PMF1: variants seen among roughly 807,000 people sequenced by gnomAD.
PMF1 encodes the protein polyamine-modulated factor 1.
PMF1 carries 21 observed loss-of-function variants against 26.7 expected under a neutral mutation model. The observed-to-expected ratio is 0.79, with a 90% CI of 0.56 to 1.13. The LOEUF (loss-of-function observed/expected upper bound fraction) is 1.13. Among genes scored for constraint, PMF1 ranks in the 50% most tolerant of loss-of-function variants. The probability of loss-of-function intolerance (pLI) is 0.00; values close to 1 mark genes in which losing one functional copy is unlikely to be tolerated. For missense variants in PMF1, 266 were observed against 254.9 expected (o/e 1.04, Z -0.30); for synonymous variants, 105 against 101.0 (o/e 1.04, Z -0.24).
chr1:156,216,677 C>T (rs1657733477), intron 1 of PMF1, among the ~76,000 whole-genome samples: 1 of 151,758 alleles, frequency 6.6e-6, no homozygotes, highest in South Asian at 2.1e-4. Context: ...GGCTACCCTG[C>T]CCCCGTGCGC....
chr1:156,221,856 C>G (rs1255231406), intron 1 of PMF1, among the ~76,000 whole-genome samples: 1 of 152,186 alleles, frequency 6.6e-6, no homozygotes, highest in Non-Finnish European at 1.5e-5. Flanking sequence ...CTTTCACTTC[C>G]ATTCAACTGC....
intron 1 of PMF1, chr1:156,223,694 A>ACACC (rs1491428347): frequency 3.3e-5 from 5 of 150,872 alleles, no homozygotes; most frequent in African/African-American, 1.2e-4. Flanking sequence ...ACACACACAC[A>ACACC]CCCGCCCTTC....
intron 1 of PMF1, 56 bp from the exon 2 acceptor site, chr1:156,232,263 CT>C: frequency 6.5e-7 from 1 of 1,531,192 alleles, no homozygotes; most frequent in Non-Finnish European, 9.0e-7. Context: ...CCCAGGCAGG[CT>C]GATGGCCGGC....
chr1:156,232,564 C>A, intron 2 of PMF1, 139 bp downstream of exon 2: 1 of 689,502 alleles, frequency 1.5e-6, no homozygotes, highest in Non-Finnish European at 2.5e-6. Context: ...CAGCAGGCTG[C>A]AGCATCCATC....
chr1:156,232,780 C>G (rs974948009), intron 2 of PMF1, among the ~76,000 whole-genome samples: 3 of 151,880 alleles, frequency 2.0e-5, no homozygotes, highest in African/African-American at 7.3e-5. Flanking sequence ...CCTGCAGCCT[C>G]AAACTCTGGG....
At chr1:156,213,339 G>A (rs370262289) in intron 1 of PMF1, among the ~76,000 whole-genome samples, 163 bp downstream of exon 1, 2 of 152,198 alleles carry the variant, frequency 1.3e-5, no homozygotes, top group East Asian at 1.9e-4. Flanking sequence ...AGGAGTCAGG[G>A]TATTCACGCA....
chr1:156,213,300 C>T lies in PMF1; in HGVS notation c.161+124C>T, dbSNP rs1007898008. 2.2e-6 allele frequency: 3 copies of T among 1,389,448 alleles called. No individual in the cohort carries two copies. In the African/African-American group the frequency reaches 4.3e-5, roughly 20 times the overall value. The allele number at this position is 1,389,448 out of a possible 1,614,324, so 86.1% of individuals were successfully genotyped here. A position where few individuals can be genotyped will look rare whatever the true frequency, so the allele number is the denominator to read the frequency against. ...CCGCGTTGGGGGCGGGGCAGTCGGA[C>T]GAGGCGACCCAGTCAAATCCTGAGC... On this transcript the variant is annotated intron_variant, in intron 1 of 4. Transcript: ENST00000368277.
At chr1:156,231,702 GA>G (rs1658719159) in intron 1 of PMF1, among the ~76,000 whole-genome samples, 1 of 145,822 alleles carries the variant, frequency 6.9e-6, no homozygotes, top group Non-Finnish European at 1.5e-5. Context: ...ACTGCCTCAA[GA>G]AAAAAAAAGG....
intron 1 of PMF1, 30 bp from the exon 2 acceptor site, chr1:156,232,289 TC>T (rs2103118592): frequency 1.2e-6 from 2 of 1,609,838 alleles, no homozygotes; most frequent in East Asian, 4.5e-5. Flanking sequence ...TGCTTGGCCC[TC>T]CCCACCTTTG....
chr1:156,236,513 C>G lies in PMF1; in HGVS notation c.564+30C>G, dbSNP rs1201074188. The G allele has an allele frequency of 5.1e-6, 8 of 1,573,138 alleles. No individual in the cohort carries two copies. The South Asian group carries it at 9.2e-5, about 18-fold the overall frequency. On this transcript the variant is annotated intron_variant, in intron 4 of 4. Transcript: ENST00000368277. ...GTGTCCCAGCCTGCCTCTTCCTCTT[C>G]CTTCTCTAATGGGCCCTCTGAGATC...
At position 156,215,153 on chromosome 1, in the gene PMF1, G is replaced by A. The variant is rs528915062; in HGVS notation, c.161+1977G>A. 2.0e-5 allele frequency among the ~76,000 whole-genome samples: 3 copies of A among 152,222 alleles called. No individual in the cohort carries two copies. The East Asian group carries it at 5.8e-4, about 29-fold the overall frequency. On this transcript the variant is annotated intron_variant, in intron 1 of 4. Coordinates refer to ENST00000368277, the MANE Select transcript of PMF1 (RefSeq NM_007221.4). ...TGCCTCCCAAAGTGCTGGGATTACA[G>A]GCATGAGCCACTGCACCCAGGCGGA...
chr1:156,234,108 TCCA>T (rs1658868351), intron 3 of PMF1, among the ~76,000 whole-genome samples: 1 of 152,216 alleles, frequency 6.6e-6, no homozygotes, highest in South Asian at 2.1e-4. Context: ...TGACCCTGTG[TCCA>T]CCATATCCAT....
intron 1 of PMF1, among the ~76,000 whole-genome samples, chr1:156,218,833 T>A (rs116902958): frequency 0.048 from 7,358 of 152,268 alleles, 300 homozygotes; most frequent in East Asian, 0.24. Flanking sequence ...CGTTTTTTTT[T>A]AATCCTAATT....
chr1:156,232,405 C>G lies in PMF1; in HGVS notation c.247C>G (p.Gln83Glu). The G allele has an allele frequency of 6.2e-7, 1 of 1,614,004 alleles. No individual in the cohort carries two copies. ...GCAAATCTATGACAAGTTTATAGCT[C>G]AGTTGCAGACATCTATCCGGGTGAG... is the stretch of plus-strand genomic sequence containing the variant. ...TQQIYDKFIA[Q>E]LQTSIREEIS... The change falls in exon 2 of 5, where the codon CAG becomes GAG. Residue 83 changes from glutamine to glutamate, a missense_variant. Gln to Glu is a conservative substitution (Grantham distance 29, BLOSUM62 2). Transcript: ENST00000368277.
At chr1:156,233,179 A>G (rs1171403948) in intron 2 of PMF1, among the ~76,000 whole-genome samples, 2 of 151,942 alleles carry the variant, frequency 1.3e-5, no homozygotes, top group East Asian at 3.9e-4. Flanking sequence ...TTTGAGGCAG[A>G]GTCTCATTCT....
At chr1:156,215,842 C>G (rs1324689485) in intron 1 of PMF1, among the ~76,000 whole-genome samples, 1 of 152,110 alleles carries the variant, frequency 6.6e-6, no homozygotes, top group Admixed American at 6.6e-5. Context: ...GCATGCACCA[C>G]CATGCCCAGC....
At chr1:156,218,953 G>A (rs1018091737) in intron 1 of PMF1, among the ~76,000 whole-genome samples, 1 of 149,476 alleles carries the variant, frequency 6.7e-6, no homozygotes, top group African/African-American at 2.5e-5. Flanking sequence ...CGGAGTCTCG[G>A]TCTGTCCCCC....
At chr1:156,234,430 G>A (rs1003786206) in intron 3 of PMF1, among the ~76,000 whole-genome samples, 1 of 148,376 alleles carries the variant, frequency 6.7e-6, no homozygotes, top group African/African-American at 2.5e-5. Context: ...GTGTAGATGA[G>A]GCTGGTGGGG....
At chr1:156,239,264 T>C (rs1490931125) in intron 4 of PMF1, among the ~76,000 whole-genome samples, 4 of 152,202 alleles carry the variant, frequency 2.6e-5, no homozygotes, top group African/African-American at 9.7e-5. Flanking sequence ...GGTCAGAGGA[T>C]TGAAGGGCCA....
Sources: allele counts gnomAD v4.1 joint callset (sites outside exome capture counted in the v4.1 genomes callset), GRCh38; gene constraint gnomAD v4.1.1; transcripts MANE v1.5; gene names NCBI Gene and HGNC (gene_info 2026-07-23, HGNC 2026-07-21).